Variants in TDRP observed in about 807,000 individuals in gnomAD.
TDRP encodes testis development related protein.
Under a neutral mutation model 10.5 loss-of-function variants are expected in TDRP, and 12 were observed. The observed-to-expected ratio is 1.15, with a 90% CI of 0.73 to 1.86. TDRP has a LOEUF of 1.86. Among genes scored for constraint, TDRP ranks in the 40% most tolerant of loss-of-function variants. The pLI, the probability that TDRP is intolerant of heterozygous loss-of-function variation, is 0.00. For synonymous variants in TDRP, 139 were observed against 95.4 expected (o/e 1.46, Z -2.67); for missense variants, 353 against 229.2 (o/e 1.54, Z -3.49).
chr8:500,971 C>T (rs1801275813), intron 1 of TDRP, among the ~76,000 whole-genome samples: 1 of 152,160 alleles, frequency 6.6e-6, no homozygotes. Context: ...CTCTGGGAGG[C>T]CAAGGTGGGT....
chr8:526,225 T>C (rs1802031103), intron 1 of TDRP, among the ~76,000 whole-genome samples: 2 of 152,150 alleles, frequency 1.3e-5, no homozygotes, highest in Admixed American at 6.5e-5. Flanking sequence ...CTTGAACTAC[T>C]GGCCTCCAGT....
At chr8:519,314 A>C (rs150585070) in intron 1 of TDRP, among the ~76,000 whole-genome samples, 1 of 152,174 alleles carries the variant, frequency 6.6e-6, no homozygotes, top group Admixed American at 6.5e-5. Flanking sequence ...GTATCCTTTC[A>C]AGTGACCAGC....
At position 492,397 on chromosome 8, in the gene TDRP, CCTCA is replaced by C. The variant is rs1563114021; in HGVS notation, c.556_*1del. 2.6e-6 allele frequency: 4 copies of C among 1,518,690 alleles called. No homozygotes were observed. The South Asian group carries it at 4.0e-5, about 15-fold the overall frequency. The allele number at this position is 1,518,690 out of a possible 1,614,324, so 94.1% of individuals were successfully genotyped here. On this transcript the variant is annotated stop_lost and 3_prime_UTR_variant, in exon 3 of 3. Transcript: ENST00000324079. The stretch of plus-strand genomic sequence containing the variant: ...CGGGGCACACTTGCCACGCAGCCCC[CCTCA>C]CTCCGCCTCCTCCGGGCTATCTGTC...
intron 1 of TDRP, among the ~76,000 whole-genome samples, chr8:526,949 A>G (rs1421119130): frequency 6.6e-6 from 1 of 152,140 alleles, no homozygotes; most frequent in Non-Finnish European, 1.5e-5. Flanking sequence ...TATACTTGGA[A>G]AAACCTAAAG....
chr8:525,640 T>A (rs1802015909), intron 1 of TDRP, among the ~76,000 whole-genome samples: 1 of 152,166 alleles, frequency 6.6e-6, no homozygotes, highest in African/African-American at 2.4e-5. Context: ...AATAATGGGT[T>A]ATATTATTTG....
At chr8:515,330 C>T (rs1023080886) in intron 1 of TDRP, among the ~76,000 whole-genome samples, 4 of 152,104 alleles carry the variant, frequency 2.6e-5, no homozygotes, top group South Asian at 4.1e-4. Flanking sequence ...TGAGTATATA[C>T]ATTATGCATG....
rs577531288 is a variant in TDRP, at chr8:508,682, G to A, written c.109-14085C>T. Among the ~76,000 whole-genome samples the A allele has an allele frequency of 1.2e-4, 19 of 152,198 alleles. No individual in the cohort carries two copies. The East Asian group carries it at 3.5e-3, about 28-fold the overall frequency. On this transcript the variant is annotated intron_variant, in intron 1 of 2. Transcript: ENST00000324079. The stretch of plus-strand genomic sequence containing the variant: ...GATGAGATTTGGGTGGGGACACACA[G>A]CCAAACCGTATCATTCCACCCCTGG...
chr8:508,988 C>G (rs1801538895), intron 1 of TDRP, among the ~76,000 whole-genome samples: 1 of 152,252 alleles, frequency 6.6e-6, no homozygotes, highest in Admixed American at 6.5e-5. Flanking sequence ...GGTCCAAAAT[C>G]CAGTGAGGCA....
intron 1 of TDRP, among the ~76,000 whole-genome samples, chr8:543,920 A>G (rs1322110369): frequency 1.3e-5 from 1 of 78,492 alleles, no homozygotes; most frequent in Non-Finnish European, 2.4e-5. Context: ...CTGCAATGGA[A>G]AAAGGGAGGG....
chr8:521,662 G>C (rs771265751), intron 1 of TDRP, among the ~76,000 whole-genome samples: 1 of 152,154 alleles, frequency 6.6e-6, no homozygotes, highest in African/African-American at 2.4e-5. Flanking sequence ...AAGTTGGAAA[G>C]TGTGAGGCTT....
chr8:500,901 A>T (rs1801273530), intron 1 of TDRP, among the ~76,000 whole-genome samples: 1 of 152,362 alleles, frequency 6.6e-6, no homozygotes, highest in East Asian at 1.9e-4. Context: ...GAATCCAGCA[A>T]GAGGGTTAAC....
chr8:543,950 G>C, intron 1 of TDRP, among the ~76,000 whole-genome samples: 1 of 121,714 alleles, frequency 8.2e-6, no homozygotes, highest in South Asian at 3.2e-4. Context: ...GGGTGGGGGA[G>C]GGCACGTCTA....
At chr8:526,475 T>C (rs77323780) in intron 1 of TDRP, among the ~76,000 whole-genome samples, 10 of 152,210 alleles carry the variant, frequency 6.6e-5, no homozygotes, top group African/African-American at 1.9e-4. Flanking sequence ...AATTATCATA[T>C]GGGTTTTGTC....
At position 492,244 on chromosome 8, in the gene TDRP, G is replaced by C; in HGVS notation, c.*155C>G. ...TGTTCACCAAGGAGTCACAGTGTGT[G>C]TGAGAGTTCATTAAATAAAGAAACA... is the stretch of plus-strand genomic sequence containing the variant. On this transcript the variant is annotated 3_prime_UTR_variant, in exon 3 of 3. Coordinates refer to ENST00000324079, the MANE Select transcript of TDRP (RefSeq NM_001384899.1). 7.5e-7 allele frequency: 1 copy of C among 1,341,070 alleles called. No homozygotes were observed. The highest frequency in any genetic ancestry group is 2.7e-5 in the East Asian group (1 of 36,954). 83.1% of individuals were successfully genotyped at this position (1,341,070 alleles called of 1,614,324 possible).
At chr8:536,018 T>G (rs1190335442) in intron 1 of TDRP, among the ~76,000 whole-genome samples, 1 of 152,220 alleles carries the variant, frequency 6.6e-6, no homozygotes, top group Non-Finnish European at 1.5e-5. Flanking sequence ...TCATGCCACC[T>G]TAAGCCCTAG....
At position 544,595 on chromosome 8, in the gene TDRP, C is replaced by A; in HGVS notation, c.108+55G>T. ...CCACCTGCGCGCCGCCCACCCTCGC[C>A]CTCCACCTGCGCGCCCCCGGCCTAC... On this transcript the variant is annotated intron_variant, in intron 1 of 2. Coordinates refer to ENST00000324079, the MANE Select transcript of TDRP (RefSeq NM_001384899.1). 5 of 1,161,936 alleles carry A rather than the reference C, an allele frequency of 4.3e-6. No individual in the cohort carries two copies. In the South Asian group the frequency reaches 1.3e-4, roughly 29 times the overall value. The allele number at this position is 1,161,936 out of a possible 1,614,324, so 72.0% of individuals were successfully genotyped here.
At chr8:515,385 C>A (rs139308152) in intron 1 of TDRP, among the ~76,000 whole-genome samples, 1 of 152,160 alleles carries the variant, frequency 6.6e-6, no homozygotes, top group Non-Finnish European at 1.5e-5. Context: ...AGTTTGAGTG[C>A]CCCTTATCTG....
At chr8:536,943 A>G (rs1802362373) in intron 1 of TDRP, among the ~76,000 whole-genome samples, 1 of 152,170 alleles carries the variant, frequency 6.6e-6, no homozygotes, top group African/African-American at 2.4e-5. Flanking sequence ...CTGACTGAGT[A>G]TCTGACTCAG....
intron 1 of TDRP, among the ~76,000 whole-genome samples, chr8:529,289 A>C (rs1030093967): frequency 5.3e-5 from 8 of 152,172 alleles, no homozygotes; most frequent in African/African-American, 1.9e-4. Flanking sequence ...CTATGATCCC[A>C]CGAAAATTAA....
Sources: allele counts gnomAD v4.1 joint callset (sites outside exome capture counted in the v4.1 genomes callset), GRCh38; gene constraint gnomAD v4.1.1; transcripts MANE v1.5; gene names NCBI Gene and HGNC (gene_info 2026-07-23, HGNC 2026-07-21).